CCDC30: variants seen among roughly 807,000 people sequenced by gnomAD.
CCDC30 encodes coiled-coil domain containing 30.
In CCDC30, 70 loss-of-function variants were observed where a neutral mutation model predicts 100.2. The observed-to-expected ratio is 0.70, with a 90% CI of 0.58 to 0.85. The LOEUF is 0.85. CCDC30 is among the 40% of genes least tolerant of loss of function. The pLI is 0.00. For missense variants in CCDC30, 652 were observed against 771.2 expected, an observed-to-expected ratio of 0.85 and a Z score of 1.83; for synonymous variants, 233 against 269.5, an observed-to-expected ratio of 0.86 and a Z score of 1.33.
chr1:42,640,817 C>T (rs1647326288), intron 12 of CCDC30, among the ~76,000 whole-genome samples: 1 of 151,976 alleles, frequency 6.6e-6, no homozygotes, highest in Non-Finnish European at 1.5e-5. Flanking sequence ...TTGCTTGAAC[C>T]CAGCGGGCAG....
At chr1:42,486,044 T>TAAAATAGTGAA (rs1435011088) in intron 3 of CCDC30, among the ~76,000 whole-genome samples, 9 of 152,030 alleles carry the variant, frequency 5.9e-5, no homozygotes, top group African/African-American at 2.2e-4. Flanking sequence ...AGTAAGAAGG[T>TAAAATAGTGAA]AAAATAGTGA....
intron 6 of CCDC30, among the ~76,000 whole-genome samples, chr1:42,527,991 G>A (rs867585306): frequency 2.0e-5 from 3 of 152,048 alleles, no homozygotes; most frequent in Admixed American, 6.5e-5. Flanking sequence ...TCAGCCTCCC[G>A]AGTAGCTGGG....
chr1:42,523,605 C>T lies in CCDC30; in HGVS notation c.456+24689C>T, dbSNP rs79419894. On this transcript the variant is annotated intron_variant, in intron 6 of 16. Coordinates refer to ENST00000668663, the Ensembl canonical transcript of CCDC30. Reference sequence around the variant, plus strand: ...CCATCTTATTTCAAGTTGGTTGAGCCTCTTGGTTGTTTGTATTCATGCCTT... The same window carrying T: ...CCATCTTATTTCAAGTTGGTTGAGCTTCTTGGTTGTTTGTATTCATGCCTT... Among the ~76,000 whole-genome samples, 398 of 152,056 alleles carry T rather than the reference C, an allele frequency of 2.6e-3. 2 individuals carry two copies. Among genetic ancestry groups the T allele is most frequent in the African/African-American group, 9.2e-3 (380 of 41,478 alleles).
chr1:42,568,415 T>C (rs1645653654), intron 7 of CCDC30, among the ~76,000 whole-genome samples: 1 of 152,166 alleles, frequency 6.6e-6, no homozygotes, highest in Non-Finnish European at 1.5e-5. Flanking sequence ...GGGCACTGCC[T>C]GTCTACTTTA....
intron 9 of CCDC30, among the ~76,000 whole-genome samples, chr1:42,583,280 T>G (rs1646003938): frequency 6.6e-6 from 1 of 152,250 alleles, no homozygotes; most frequent in African/African-American, 2.4e-5. Context: ...TCTTGCTTAG[T>G]GTCCTTATGT....
At chr1:42,580,302 T>G (rs928983681) in intron 8 of CCDC30, among the ~76,000 whole-genome samples, 1 of 152,166 alleles carries the variant, frequency 6.6e-6, no homozygotes, top group Non-Finnish European at 1.5e-5. Flanking sequence ...TCTTCTTCTC[T>G]CTCATGCTGT....
intron 6 of CCDC30, among the ~76,000 whole-genome samples, chr1:42,519,224 G>T (rs924409525): frequency 6.6e-6 from 1 of 152,106 alleles, no homozygotes; most frequent in Admixed American, 6.6e-5. Context: ...GTTCTTAAGG[G>T]GCATTGGCCT....
rs1178124684 is a variant in CCDC30 at position 42,596,545 on chromosome 1, C to T, written c.1164+7062C>T. 2.0e-5 allele frequency among the ~76,000 whole-genome samples: 3 copies of T among 151,884 alleles called. No individual in the cohort carries two copies. The highest frequency in any genetic ancestry group is 7.3e-5 in the African/African-American group (3 of 41,354). ...TGGGTGGAGAAAAAAAAAACTAGCA[C>T]GTGTGAAATTTACAGTCCAGGGGCA... is the stretch of plus-strand genomic sequence containing the variant. On this transcript the variant is annotated intron_variant, in intron 10 of 16. Coordinates refer to ENST00000668663, the Ensembl canonical transcript of CCDC30. This position sits in a 1 kb window ranked among gnomAD's most constrained non-coding sequence, Gnocchi z 4.3.
intron 1 of CCDC30, among the ~76,000 whole-genome samples, chr1:42,472,272 G>A (rs952071451): frequency 6.6e-6 from 1 of 151,998 alleles, no homozygotes; most frequent in Admixed American, 6.6e-5. Flanking sequence ...AAAATAGTTA[G>A]TGGCTCTAGT....
chr1:42,544,090 G>T (rs1047479883), intron 6 of CCDC30, among the ~76,000 whole-genome samples: 1 of 151,998 alleles, frequency 6.6e-6, no homozygotes, highest in African/African-American at 2.4e-5. Flanking sequence ...ACGGGGTCTT[G>T]CTATGTTGCT....
chr1:42,655,323 C>A (rs1045461366), downstream of CCDC30, among the ~76,000 whole-genome samples: 14 of 152,092 alleles, frequency 9.2e-5, no homozygotes, highest in Non-Finnish European at 1.5e-4. Context: ...GGGCAGATCA[C>A]CTGAGGTCAG....
intron 6 of CCDC30, among the ~76,000 whole-genome samples, chr1:42,518,772 T>A (rs1443121340): frequency 1.3e-5 from 2 of 152,242 alleles, no homozygotes; most frequent in African/African-American, 4.8e-5. Context: ...GGATACCTTT[T>A]ATTTTTGTTG....
At chr1:42,517,055 G>A (rs1484918804) in intron 6 of CCDC30, among the ~76,000 whole-genome samples, 1 of 151,898 alleles carries the variant, frequency 6.6e-6, no homozygotes, top group African/African-American at 2.4e-5. Flanking sequence ...CTCCTACTTT[G>A]TAGGTTGCCT....
intron 10 of CCDC30, among the ~76,000 whole-genome samples, chr1:42,607,928 C>T (rs1381764037): frequency 6.6e-6 from 1 of 152,176 alleles, no homozygotes; most frequent in African/African-American, 2.4e-5. Context: ...TGGACAAATG[C>T]CCCTGGCCAC....
rs566955830 is a variant in CCDC30 at position 42,641,956 on chromosome 1, T to C, written c.1420-517T>C. On this transcript the variant is annotated intron_variant, in intron 12 of 16. Coordinates refer to ENST00000668663, the Ensembl canonical transcript of CCDC30. ...AATACATGACATGGGCTGGGCATGG[T>C]GGCTCACGCCTGTAATCCCAGCAAT... Among the ~76,000 whole-genome samples, 14 of 152,282 alleles carry C rather than the reference T, an allele frequency of 9.2e-5. 1 individual carries two copies. In the South Asian group the frequency reaches 1.7e-3, roughly 18 times the overall value.
At chr1:42,583,475 A>C (rs1646008326) in intron 9 of CCDC30, among the ~76,000 whole-genome samples, 1 of 152,222 alleles carries the variant, frequency 6.6e-6, no homozygotes, top group Admixed American at 6.5e-5. Flanking sequence ...TGATTTAAAT[A>C]GTTAGATTGT....
intron 15 of CCDC30, among the ~76,000 whole-genome samples, chr1:42,650,211 G>A (rs144489158): frequency 1.8e-4 from 27 of 152,190 alleles, no homozygotes; most frequent in African/African-American, 5.1e-4. Flanking sequence ...GGTTGGGCAC[G>A]GTGGCTCAGG....
rs1351502719 is a variant in CCDC30, at chr1:42,581,519, G to T, written c.1001+5G>T. On this transcript the variant is annotated splice_donor_5th_base_variant and intron_variant, in intron 9 of 16. Coordinates refer to ENST00000668663, the Ensembl canonical transcript of CCDC30. Reference sequence around the variant, plus strand: ...TCAAGAAGAACAACAGAAGAGGTAAGAGGAGCAGAGATCTCAGTTTCCTGT... The same window carrying T: ...TCAAGAAGAACAACAGAAGAGGTAATAGGAGCAGAGATCTCAGTTTCCTGT... 2 of 1,605,044 alleles carry T rather than the reference G, an allele frequency of 1.2e-6. No individual in the cohort carries two copies. Among genetic ancestry groups the T allele is most frequent in the South Asian group, 2.2e-5 (2 of 89,240 alleles).
chr1:42,621,666 C>T (rs918174031), intron 11 of CCDC30, among the ~76,000 whole-genome samples: 1 of 151,946 alleles, frequency 6.6e-6, no homozygotes, highest in Non-Finnish European at 1.5e-5. Flanking sequence ...CGCCTGCCAC[C>T]ACGCAGGCTA....
Sources: allele counts gnomAD v4.1 joint callset (sites outside exome capture counted in the v4.1 genomes callset), GRCh38; gene constraint gnomAD v4.1.1; non-coding constraint Gnocchi (gnomAD v3.1); transcripts MANE v1.5; gene names NCBI Gene and HGNC (gene_info 2026-07-23, HGNC 2026-07-21).